SLC2A9: variants seen among roughly 807,000 people sequenced by gnomAD.
The protein encoded by SLC2A9 is solute carrier family 2 member 9.
In SLC2A9, 39 loss-of-function variants were observed where a neutral mutation model predicts 50.6. The ratio of observed to expected loss-of-function variants is 0.77; its 90% CI spans 0.60 to 1.01. The LOEUF is 1.01. SLC2A9 is among the 50% of genes least tolerant of loss of function. SLC2A9 has a pLI of 0.00. For synonymous variants in SLC2A9, 324 were observed against 276.9 expected (o/e 1.17, Z -1.69); for missense variants, 686 against 677.6 (o/e 1.01, Z -0.14).
chr4:9,826,015 C>T (rs1725073069), downstream of SLC2A9, among the ~76,000 whole-genome samples: 1 of 152,170 alleles, frequency 6.6e-6, no homozygotes, highest in African/African-American at 2.4e-5. Flanking sequence ...GTTGAGTCCC[C>T]TATCAGACCA....
At chr4:9,995,372 C>T (rs34501273) in intron 3 of SLC2A9, among the ~76,000 whole-genome samples, 73,497 of 151,964 alleles carry the variant, frequency 0.48, 18,460 homozygotes, top group South Asian at 0.62. Flanking sequence ...CCCTCATAAG[C>T]ACCACTTGGA....
rs71181004 is a variant in SLC2A9 at position 9,955,494 on chromosome 4, CAAAAAA to C, written c.682-13455_682-13450del. On this transcript the variant is annotated intron_variant, in intron 5 of 11. Transcript: ENST00000264784. ...TGGGCCACAGAGCGAGACTCCGTCTCAAAAAAAAAAAAAAAAAAAAAAAAACTCCAA... is the reference window on the plus strand; with the variant it reads ...TGGGCCACAGAGCGAGACTCCGTCTCAAAAAAAAAAAAAAAAAAACTCCAA... 3.4e-4 allele frequency among the ~76,000 whole-genome samples: 8 copies of C among 23,654 alleles called. 1 individual carries two copies. Among genetic ancestry groups the C allele is most frequent in the Non-Finnish European group, 5.5e-4 (8 of 14,444 alleles). The allele number at this position is 23,654 out of a possible 152,430, so 15.5% of individuals were successfully genotyped here.
chr4:9,915,205 A>T (rs894527445), intron 7 of SLC2A9, among the ~76,000 whole-genome samples: 1 of 152,222 alleles, frequency 6.6e-6, no homozygotes, highest in Non-Finnish European at 1.5e-5. Flanking sequence ...AATAGCTAAG[A>T]TTATGGAGCA....
chr4:9,982,825 A>C (rs1302310409), intron 4 of SLC2A9, among the ~76,000 whole-genome samples: 1 of 152,248 alleles, frequency 6.6e-6, no homozygotes, highest in South Asian at 2.1e-4. Context: ...CTGGAACTAC[A>C]CTAAGTACTT....
chr4:9,963,739 G>A (rs147818929), intron 5 of SLC2A9, among the ~76,000 whole-genome samples: 1 of 152,310 alleles, frequency 6.6e-6, no homozygotes, highest in East Asian at 1.9e-4. Flanking sequence ...GCTGGGAGGT[G>A]GGACCCGCAT....
At chr4:9,957,164 A>T (rs6843873) in intron 5 of SLC2A9, among the ~76,000 whole-genome samples, 2 of 151,720 alleles carry the variant, frequency 1.3e-5, no homozygotes, top group Admixed American at 1.3e-4. Flanking sequence ...ATGGAACCAC[A>T]GTCATTCCAG....
At chr4:9,896,725 G>A (rs1421220443) in intron 8 of SLC2A9, among the ~76,000 whole-genome samples, 6 of 152,170 alleles carry the variant, frequency 3.9e-5, no homozygotes, top group African/African-American at 9.7e-5. Context: ...GTCTAGATAC[G>A]TGGTCCATTT....
At chr4:9,924,704 A>G (rs1162232043) in intron 6 of SLC2A9, among the ~76,000 whole-genome samples, 1 of 152,148 alleles carries the variant, frequency 6.6e-6, no homozygotes, top group Non-Finnish European at 1.5e-5. Flanking sequence ...TCACCTCTCA[A>G]ATAAACTTCC....
intron 7 of SLC2A9, among the ~76,000 whole-genome samples, chr4:9,914,102 C>G (rs1560293741): frequency 6.6e-6 from 1 of 152,162 alleles, no homozygotes; most frequent in South Asian, 2.1e-4. Context: ...GAGCTGAGAT[C>G]GAGCCCTGAT....
intron 10 of SLC2A9, among the ~76,000 whole-genome samples, chr4:9,862,572 G>C (rs1731824673): frequency 6.6e-6 from 1 of 151,908 alleles, no homozygotes; most frequent in African/African-American, 2.4e-5. Context: ...TATCCCCTAT[G>C]CTAACAACAC....
chr4:9,794,474 C>A (rs1256607975), downstream of SLC2A9, among the ~76,000 whole-genome samples: 3 of 152,052 alleles, frequency 2.0e-5, no homozygotes, highest in African/African-American at 4.8e-5. Flanking sequence ...TTATAGCAGC[C>A]CTGTAAGGAG....
chr4:9,913,330 T>TGTGAGAGAGA (rs1491090035), intron 7 of SLC2A9, among the ~76,000 whole-genome samples: 1 of 88,730 alleles, frequency 1.1e-5, no homozygotes, highest in East Asian at 2.2e-4. Flanking sequence ...TGTGTGTGTG[T>TGTGAGAGAGA]GAGAGAGAGA....
chr4:9,980,626 C>T lies in SLC2A9; in HGVS notation c.647G>A (p.Gly216Glu). ...CAGCTCGGGCAGGCCCAGAAGCTGCCCAGTGAACACGCCAATGCAGATAAA... is the reference window on the plus strand; with the variant it reads ...CAGCTCGGGCAGGCCCAGAAGCTGCTCAGTGAACACGCCAATGCAGATAAA... ...AIFICIGVFT[G>E]QLLGLPELLG... is the part of the protein sequence containing the mutation. The change falls in exon 5 of 12, where the codon GGG becomes GAG. Residue 216 changes from glycine to glutamate, a missense_variant. Physicochemically the swap from Gly to Glu is moderately conservative, Grantham distance 98. Coordinates refer to ENST00000264784, the MANE Select transcript of SLC2A9 (RefSeq NM_020041.3). 1.9e-6 allele frequency: 3 copies of T among 1,614,178 alleles called. 1 individual carries two copies. Among genetic ancestry groups the T allele is most frequent in the South Asian group, 2.2e-5 (2 of 91,084 alleles).
At chr4:9,919,551 C>G (rs548237958) in intron 7 of SLC2A9, among the ~76,000 whole-genome samples, 2,098 of 112,038 alleles carry the variant, frequency 0.019, 22 homozygotes, top group Middle Eastern at 0.066. Context: ...TAAATGCAAG[C>G]TGTCTTACTG....
intron 5 of SLC2A9, among the ~76,000 whole-genome samples, chr4:9,948,733 G>A (rs1027323008): frequency 6.6e-6 from 1 of 152,190 alleles, no homozygotes; most frequent in Admixed American, 6.5e-5. Flanking sequence ...GTTGTGCTGA[G>A]GGTTGCTCAC....
At chr4:9,970,222 A>G (rs534567405) in intron 5 of SLC2A9, among the ~76,000 whole-genome samples, 68 of 152,302 alleles carry the variant, frequency 4.5e-4, no homozygotes, top group Non-Finnish European at 6.5e-4. Context: ...AAGGAGCAGC[A>G]TCGGACATGC....
chr4:9,779,549 G>T (rs1560272523), downstream of SLC2A9, among the ~76,000 whole-genome samples: 1 of 151,778 alleles, frequency 6.6e-6, no homozygotes, highest in Non-Finnish European at 1.5e-5. Flanking sequence ...CAAGTAGCTG[G>T]GACTACAGGC....
At chr4:9,929,264 G>A (rs770253237) in intron 6 of SLC2A9, among the ~76,000 whole-genome samples, 1 of 152,242 alleles carries the variant, frequency 6.6e-6, no homozygotes, top group African/African-American at 2.4e-5. Context: ...GGATGCCCTC[G>A]CAGCAGAGCC....
chr4:9,861,985 A>G (rs1329236561), intron 10 of SLC2A9, among the ~76,000 whole-genome samples: 1 of 152,120 alleles, frequency 6.6e-6, no homozygotes, highest in Admixed American at 6.5e-5. Context: ...GGCCCCTACT[A>G]TCCTTCCAAC....
Sources: gnomAD v4.1 joint callset for allele counts (sites outside exome capture counted in the v4.1 genomes callset) on GRCh38, gnomAD v4.1.1 for gene constraint, MANE v1.5 for transcripts, NCBI Gene and HGNC (gene_info 2026-07-23, HGNC 2026-07-21) for gene names.